KCTD1: variants seen among roughly 807,000 people sequenced by gnomAD.
KCTD1 encodes the protein BTB/POZ domain-containing protein KCTD1.
A neutral mutation model predicts 66.0 loss-of-function variants in KCTD1; 24 were observed. The ratio of observed to expected loss-of-function variants is 0.36; its 90% confidence interval spans 0.26 to 0.51. KCTD1 has a LOEUF of 0.51. Among genes scored for constraint, KCTD1 ranks in the 20% least tolerant of loss-of-function variants. KCTD1 has a pLI of 0.95. For missense variants in KCTD1, 943 were observed against 1,205.2 expected (o/e 0.78, Z 3.22); for synonymous variants, 511 against 517.2 (o/e 0.99, Z 0.16).
At chr18:26,610,291 G>A (rs1987105326) in intron 1 of KCTD1, among the ~76,000 whole-genome samples, 1 of 152,054 alleles carries the variant, frequency 6.6e-6, no homozygotes, top group African/African-American at 2.4e-5. Context: ...GACTATCTTT[G>A]GCCAGGCATG....
intron 1 of KCTD1, among the ~76,000 whole-genome samples, chr18:26,555,810 G>C (rs537517123): frequency 6.6e-6 from 1 of 152,220 alleles, no homozygotes; most frequent in Admixed American, 6.5e-5. Context: ...AATGAGTATC[G>C]ATAATGATAG....
intron 2 of KCTD1, among the ~76,000 whole-genome samples, chr18:26,490,153 G>A (rs1598892620): frequency 6.6e-6 from 1 of 152,188 alleles, no homozygotes; most frequent in South Asian, 2.1e-4. Flanking sequence ...CCACCATGGT[G>A]CCCATGGTAC....
chr18:26,460,793 T>C (rs1245578207), intron 3 of KCTD1: 2 of 152,120 alleles, frequency 1.3e-5, no homozygotes, highest in Non-Finnish European at 2.9e-5. Context: ...AAAACAGGTA[T>C]TAAAACACAC....
upstream of KCTD1, chr18:26,549,269 T>G: frequency 2.0e-6 from 2 of 984,878 alleles, no homozygotes; most frequent in Non-Finnish European, 2.4e-6. Flanking sequence ...CGCGGGGGCC[T>G]GGGGCCAGCC....
chr18:26,519,925 C>T (rs374198272), intron 1 of KCTD1, among the ~76,000 whole-genome samples: 4 of 152,128 alleles, frequency 2.6e-5, no homozygotes, highest in Admixed American at 6.5e-5. Flanking sequence ...TGTAAGAAAG[C>T]GTCAAAATCA....
chr18:26,570,662 C>A (rs1335925096), intron 1 of KCTD1, among the ~76,000 whole-genome samples: 5 of 152,196 alleles, frequency 3.3e-5, no homozygotes, highest in Non-Finnish European at 7.3e-5. Context: ...CCTCCCACCT[C>A]AGCCTCCCAA....
chr18:26,524,969 A>G (rs1984087462), intron 1 of KCTD1, among the ~76,000 whole-genome samples: 3 of 152,134 alleles, frequency 2.0e-5, no homozygotes, highest in Non-Finnish European at 2.9e-5. Context: ...TGCCTGGATG[A>G]ACTCCACCCA....
intron 1 of KCTD1, among the ~76,000 whole-genome samples, chr18:26,570,191 A>AATATATATAT (rs1555643817): frequency 1.4e-4 from 19 of 132,538 alleles, no homozygotes; most frequent in Middle Eastern, 4.3e-3. Context: ...ATCTAAAAAA[A>AATATATATAT]ATATATATAT....
upstream of KCTD1, among the ~76,000 whole-genome samples, chr18:26,551,903 A>G (rs1567991889): frequency 6.6e-6 from 1 of 152,234 alleles, no homozygotes; most frequent in Non-Finnish European, 1.5e-5. Context: ...AAGTCCGTTC[A>G]GACTACCACC....
intron 2 of KCTD1, among the ~76,000 whole-genome samples, chr18:26,480,149 CTAT>C (rs973032036): frequency 6.8e-6 from 1 of 146,724 alleles, no homozygotes; most frequent in Non-Finnish European, 1.5e-5. Context: ...ACTATTTTAA[CTAT>C]TTTTTTTACT....
At chr18:26,655,435 T>TGC (rs1555650086) in intron 1 of KCTD1, among the ~76,000 whole-genome samples, 1 of 150,760 alleles carries the variant, frequency 6.6e-6, no homozygotes, top group Non-Finnish European at 1.5e-5. Flanking sequence ...CCACTCAGGA[T>TGC]ACACACACAC....
intron 2 of KCTD1, among the ~76,000 whole-genome samples, chr18:26,487,413 C>T (rs1486533716): frequency 7.1e-6 from 1 of 141,162 alleles, no homozygotes; most frequent in Non-Finnish European, 1.6e-5. Context: ...TCCATATTAC[C>T]CAACATTTTA....
chr18:26,570,032 CA>C (rs1409007110), intron 1 of KCTD1, among the ~76,000 whole-genome samples: 7 of 151,770 alleles, frequency 4.6e-5, no homozygotes, highest in Admixed American at 2.6e-4. Flanking sequence ...ACTAAAAAGA[CA>C]AAATTAGCTG....
intron 1 of KCTD1, among the ~76,000 whole-genome samples, chr18:26,589,022 G>GGATTAGATAAACAATC (rs370128471): frequency 1.4e-4 from 22 of 152,272 alleles, no homozygotes; most frequent in African/African-American, 5.1e-4. Context: ...ACAATCAGCA[G>GGATTAGATAAACAATC]AGCAGGGATA....
chr18:26,622,222 G>A (rs1402831240), intron 1 of KCTD1, among the ~76,000 whole-genome samples: 1 of 152,222 alleles, frequency 6.6e-6, no homozygotes, highest in East Asian at 1.9e-4. Flanking sequence ...GAAGAACCAA[G>A]TTGTAAGAAC....
intron 1 of KCTD1, among the ~76,000 whole-genome samples, chr18:26,579,799 A>G (rs76072574): frequency 0.055 from 8,422 of 152,206 alleles, 301 homozygotes; most frequent in Middle Eastern, 0.14. Flanking sequence ...TCCAGCTGGA[A>G]GGGGAAAACT....
At chr18:26,573,266 A>G (rs1005434366) in intron 1 of KCTD1, among the ~76,000 whole-genome samples, 1 of 152,116 alleles carries the variant, frequency 6.6e-6, no homozygotes, top group African/African-American at 2.4e-5. Flanking sequence ...GGAGGGGAGA[A>G]TGAGGTGTTA....
At chr18:26,510,260 G>A (rs150044141) in intron 1 of KCTD1, among the ~76,000 whole-genome samples, 56 of 152,354 alleles carry the variant, frequency 3.7e-4, no homozygotes, top group African/African-American at 1.2e-3. Context: ...GTGTATGAAA[G>A]GAAGTAGAGA....
chr18:26,516,823 G>A (rs746494195), intron 1 of KCTD1, among the ~76,000 whole-genome samples: 5 of 152,176 alleles, frequency 3.3e-5, no homozygotes, highest in Non-Finnish European at 7.3e-5. Flanking sequence ...GACCTCAGTA[G>A]TGATTTGTCC....
Sources: allele counts gnomAD v4.1 joint callset (sites outside exome capture counted in the v4.1 genomes callset), GRCh38; gene constraint gnomAD v4.1.1; transcripts MANE v1.5; gene names NCBI Gene and HGNC (gene_info 2026-07-23, HGNC 2026-07-21).